The following PDE1C variants were observed in gnomAD, a reference collection of about 807,000 sequenced individuals.
PDE1C encodes phosphodiesterase 1C.
A neutral mutation model predicts 93.1 loss-of-function variants in PDE1C; 62 were observed. The ratio of observed to expected loss-of-function variants is 0.67; its 90% CI spans 0.54 to 0.82. The LOEUF (loss-of-function observed/expected upper bound fraction) is 0.82. Among genes scored for constraint, PDE1C ranks in the 40% least tolerant of loss-of-function variants. The pLI is 0.00. For synonymous variants in PDE1C, 325 were observed against 310.1 expected, an observed-to-expected ratio of 1.05 and a Z score of -0.50; for missense variants, 742 against 884.6, an observed-to-expected ratio of 0.84 and a Z score of 2.04.
chr7:32,154,960 G>A (rs1329532838), intron 3 of PDE1C, among the ~76,000 whole-genome samples: 1 of 152,258 alleles, frequency 6.6e-6, no homozygotes, highest in Admixed American at 6.5e-5. Flanking sequence ...GCCCAGGCAG[G>A]CAGGGAGTAA....
At chr7:32,308,123 G>A (rs963472555) in intron 1 of PDE1C, among the ~76,000 whole-genome samples, 9 of 152,214 alleles carry the variant, frequency 5.9e-5, no homozygotes, top group Non-Finnish European at 7.3e-5. Flanking sequence ...ACGGAGTCTC[G>A]CTGATTGCTA....
chr7:31,746,300 G>A (rs916542640), downstream of PDE1C, among the ~76,000 whole-genome samples: 10 of 152,198 alleles, frequency 6.6e-5, no homozygotes, highest in African/African-American at 2.4e-4. Context: ...TTGGAGGAAT[G>A]TAAAAGATAA....
intron 16 of PDE1C, among the ~76,000 whole-genome samples, chr7:31,804,336 G>A (rs1323698107): frequency 6.6e-6 from 1 of 151,796 alleles, no homozygotes; most frequent in African/African-American, 2.4e-5. Flanking sequence ...TCTGGCTAGT[G>A]GGAATAGGCA....
At chr7:31,936,200 G>T (rs1005637939) in intron 2 of PDE1C, among the ~76,000 whole-genome samples, 2 of 152,088 alleles carry the variant, frequency 1.3e-5, no homozygotes, top group Non-Finnish European at 2.9e-5. Flanking sequence ...CTCAACATTT[G>T]TTGAGTCATT....
At chr7:31,823,745 G>A (rs1789299767) in intron 13 of PDE1C, among the ~76,000 whole-genome samples, 1 of 152,106 alleles carries the variant, frequency 6.6e-6, no homozygotes, top group African/African-American at 2.4e-5. Flanking sequence ...ATTTCCTTAA[G>A]TTGCTGGAAG....
At chr7:31,756,049 G>A (rs1411665930) in intron 17 of PDE1C, among the ~76,000 whole-genome samples, 1 of 152,112 alleles carries the variant, frequency 6.6e-6, no homozygotes, top group East Asian at 1.9e-4. Context: ...GCAAACACCT[G>A]TAATCCCAGC....
chr7:32,051,981 A>G (rs892025308), intron 1 of PDE1C, among the ~76,000 whole-genome samples: 1 of 152,192 alleles, frequency 6.6e-6, no homozygotes, highest in African/African-American at 2.4e-5. Context: ...CACTTCTTTT[A>G]TCTGGCACAT....
intron 1 of PDE1C, among the ~76,000 whole-genome samples, chr7:32,057,712 C>T (rs1794305427): frequency 6.6e-6 from 1 of 152,130 alleles, no homozygotes; most frequent in Non-Finnish European, 1.5e-5. Flanking sequence ...TAAAGATAAG[C>T]AGGCAAACAG....
At chr7:31,623,361 C>T in the PDE1C span, among the ~76,000 whole-genome samples, 6 of 151,644 alleles carry the variant, frequency 4.0e-5, no homozygotes, top group South Asian at 4.2e-4. Flanking sequence ...CTCAATAAAA[C>T]ACTGGCAAAC....
intron 2 of PDE1C, among the ~76,000 whole-genome samples, chr7:31,926,901 TTTTTG>T (rs111533454): frequency 3.3e-5 from 5 of 151,654 alleles, no homozygotes; most frequent in Non-Finnish European, 5.9e-5. Flanking sequence ...TGCAGGAGTT[TTTTTG>T]TTTTGTTTTG....
chr7:32,251,850 G>C (rs1190979070), intron 1 of PDE1C, among the ~76,000 whole-genome samples: 1 of 152,084 alleles, frequency 6.6e-6, no homozygotes, highest in Non-Finnish European at 1.5e-5. Context: ...GTTGGCCATG[G>C]CCATCAGCCC....
the PDE1C span, chr7:31,708,562 GT>G: frequency 6.6e-6 from 1 of 152,294 alleles, no homozygotes; most frequent in African/African-American, 2.4e-5. Flanking sequence ...TTTTACTTTT[GT>G]TTTTGTTAGG....
chr7:31,908,832 C>T (rs752964942), intron 2 of PDE1C, among the ~76,000 whole-genome samples: 1 of 152,054 alleles, frequency 6.6e-6, no homozygotes, highest in Non-Finnish European at 1.5e-5. Context: ...TAGGTATTGA[C>T]GTGAAGGTAT....
At chr7:32,239,729 G>A (rs952386443) in intron 1 of PDE1C, among the ~76,000 whole-genome samples, 1 of 152,152 alleles carries the variant, frequency 6.6e-6, no homozygotes, top group Non-Finnish European at 1.5e-5. Context: ...CCAGAAAGTA[G>A]GTCACAGAGA....
chr7:31,807,339 AT>A (rs1387081288), intron 16 of PDE1C, among the ~76,000 whole-genome samples: 2 of 151,934 alleles, frequency 1.3e-5, no homozygotes, highest in Non-Finnish European at 2.9e-5. Flanking sequence ...AATCCTGCTC[AT>A]TAAACAATCA....
chr7:31,885,677 G>C (rs1172689597), intron 2 of PDE1C, among the ~76,000 whole-genome samples: 1 of 152,198 alleles, frequency 6.6e-6, no homozygotes, highest in African/African-American at 2.4e-5. Context: ...TAATTTAAAA[G>C]GATGTTAGGG....
intron 7 of PDE1C, among the ~76,000 whole-genome samples, chr7:31,854,802 C>T (rs955852371): frequency 1.3e-5 from 2 of 152,166 alleles, no homozygotes; most frequent in Non-Finnish European, 2.9e-5. Context: ...CGAGGTGCCT[C>T]ATGCTTATAA....
At chr7:32,341,672 T>C (rs1163743533) in intron 1 of PDE1C, among the ~76,000 whole-genome samples, 2 of 152,096 alleles carry the variant, frequency 1.3e-5, no homozygotes, top group Non-Finnish European at 2.9e-5. Context: ...TTCCCAGGGC[T>C]GAAGGGGGTC....
At chr7:32,348,454 C>T (rs215683) in intron 1 of PDE1C, among the ~76,000 whole-genome samples, 119,271 of 148,846 alleles carry the variant, frequency 0.8, 48,054 homozygotes, top group Admixed American at 0.86. Context: ...AAGCTCTGTC[C>T]ACCAGGTTCA....
Sources: gnomAD v4.1 joint callset for allele counts (sites outside exome capture counted in the v4.1 genomes callset) on GRCh38, gnomAD v4.1.1 for gene constraint, MANE v1.5 for transcripts, NCBI Gene and HGNC (gene_info 2026-07-23, HGNC 2026-07-21) for gene names.